The following SYNJ2 variants were observed in gnomAD, a reference collection of about 807,000 sequenced individuals.
SYNJ2 encodes polyphosphatidylinositol phosphatase SYNJ2.
Under a neutral mutation model 141.3 loss-of-function variants are expected in SYNJ2, and 116 were observed. That is an observed-to-expected ratio of 0.82 (90% CI 0.71 to 0.96). SYNJ2 has a LOEUF of 0.96. SYNJ2 is among the 40% of genes least tolerant of loss of function. SYNJ2 has a pLI of 0.00. For synonymous variants in SYNJ2, 745 were observed against 777.7 expected, an observed-to-expected ratio of 0.96 and a Z score of 0.70; for missense variants, 1,873 against 1,934.8, an observed-to-expected ratio of 0.97 and a Z score of 0.60.
intron 1 of SYNJ2, among the ~76,000 whole-genome samples, chr6:157,984,732 G>T (rs1191939091): frequency 6.6e-6 from 1 of 152,206 alleles, no homozygotes; most frequent in Non-Finnish European, 1.5e-5. Flanking sequence ...CAAGAAGGCT[G>T]CAATCTCTAC....
rs576246116 is a variant in SYNJ2 at position 157,982,168 on chromosome 6, C to T, written c.127+80C>T. On this transcript the variant is annotated intron_variant, in intron 1 of 26. Transcript: ENST00000355585. The surrounding 1 kb of genome is among the most constrained non-coding windows in gnomAD (Gnocchi z 4.0). ...CAGCCTCGGGAAGACGGGTACCCCC[C>T]CTTCCCGAGGGGATCGGGCGGCGCT... The T allele has an allele frequency of 6.0e-5, 75 of 1,250,972 alleles. No individual in the cohort carries two copies. Among genetic ancestry groups the T allele is most frequent in the African/African-American group, 2.2e-4 (14 of 64,228 alleles). The allele number at this position is 1,250,972 out of a possible 1,614,324, so 77.5% of individuals were successfully genotyped here. A position where few individuals can be genotyped will look rare whatever the true frequency, so the allele number is the denominator to read the frequency against.
intron 2 of SYNJ2, among the ~76,000 whole-genome samples, chr6:158,024,458 C>T (rs1778931847): frequency 6.6e-6 from 1 of 152,186 alleles, no homozygotes; most frequent in South Asian, 2.1e-4. Flanking sequence ...CCTCCTAAAA[C>T]CATCGCCTTG....
At chr6:158,021,925 G>A (rs541807261) in intron 2 of SYNJ2, among the ~76,000 whole-genome samples, 2 of 152,288 alleles carry the variant, frequency 1.3e-5, no homozygotes, top group South Asian at 2.1e-4. Flanking sequence ...GTAAATTCAC[G>A]GGCCAGGGCT....
At chr6:157,992,603 G>A (rs888407820) in intron 1 of SYNJ2, among the ~76,000 whole-genome samples, 11 of 151,820 alleles carry the variant, frequency 7.2e-5, no homozygotes, top group Non-Finnish European at 1.3e-4. Flanking sequence ...TCACCATGTT[G>A]TCCAGGCTGG....
At chr6:158,012,195 T>C (rs1214961409) in intron 1 of SYNJ2, among the ~76,000 whole-genome samples, 4 of 152,176 alleles carry the variant, frequency 2.6e-5, no homozygotes, top group Non-Finnish European at 4.4e-5. Flanking sequence ...TTCCTTCTCC[T>C]CACCCTTCAT....
chr6:158,021,312 G>T (rs922859633), intron 2 of SYNJ2, among the ~76,000 whole-genome samples: 2 of 152,146 alleles, frequency 1.3e-5, no homozygotes, highest in African/African-American at 4.8e-5. Flanking sequence ...CAGCTGAACT[G>T]CATTTAATCT....
intron 18 of SYNJ2, among the ~76,000 whole-genome samples, chr6:158,080,525 C>G (rs1313629953): frequency 2.0e-5 from 3 of 149,588 alleles, no homozygotes; most frequent in African/African-American, 7.3e-5. Flanking sequence ...TTTTTCCCTC[C>G]CATCAACAAT....
intron 1 of SYNJ2, among the ~76,000 whole-genome samples, chr6:158,000,567 C>T (rs572482575): frequency 1.3e-5 from 2 of 152,204 alleles, no homozygotes; most frequent in African/African-American, 2.4e-5. Flanking sequence ...ATCAGAAAGT[C>T]CTGAAAAATG....
In SYNJ2 at chr6:158,027,333, G is replaced by T. The variant is rs1017346653; in HGVS notation, c.215-1423G>T. 4.1e-6 allele frequency: 2 copies of T among 487,162 alleles called. No homozygotes were observed. Among genetic ancestry groups the T allele is most frequent in the East Asian group, 3.0e-4 (2 of 6,648 alleles). 30.2% of individuals were successfully genotyped at this position (487,162 alleles called of 1,614,324 possible). A position where few individuals can be genotyped will look rare whatever the true frequency, so the allele number is the denominator to read the frequency against. On this transcript the variant is annotated intron_variant, in intron 2 of 26. Coordinates refer to ENST00000355585, the MANE Select transcript of SYNJ2 (RefSeq NM_003898.4). The surrounding 1 kb of genome is among the most constrained non-coding windows in gnomAD (Gnocchi z 4.6). ...CCTTCAGACCTCAGCGGGGTGGGAAGAGTGTCCTTGGGACTAGAGCCCTGC... is the reference window on the plus strand; with the variant it reads ...CCTTCAGACCTCAGCGGGGTGGGAATAGTGTCCTTGGGACTAGAGCCCTGC...
chr6:158,005,323 C>T (rs1180622917), intron 1 of SYNJ2, among the ~76,000 whole-genome samples: 1 of 152,110 alleles, frequency 6.6e-6, no homozygotes, highest in East Asian at 1.9e-4. Flanking sequence ...GTGATCCACC[C>T]ACCTTGGCCT....
Position 158,017,198 on chromosome 6 carries a change from C to T in SYNJ2, c.128-6C>T, listed in dbSNP as rs1778497092. 5.6e-6 allele frequency: 9 copies of T among 1,613,132 alleles called. No homozygotes were observed. The highest frequency in any genetic ancestry group is 7.6e-6 in the Non-Finnish European group (9 of 1,179,454). Reference sequence around the variant, plus strand: ...TGATGCCTTCTGTGATGTGTTTCTTCCCCAGCTCCAGAAGAAAAGGAAGTC... The same window carrying T: ...TGATGCCTTCTGTGATGTGTTTCTTTCCCAGCTCCAGAAGAAAAGGAAGTC... On this transcript the variant is annotated splice_region_variant and splice_polypyrimidine_tract_variant and intron_variant, in intron 1 of 26. Coordinates refer to ENST00000355585, the MANE Select transcript of SYNJ2 (RefSeq NM_003898.4).
At position 158,016,794 on chromosome 6, in the gene SYNJ2, C is replaced by T. The variant is rs148519312; in HGVS notation, c.128-410C>T. On this transcript the variant is annotated intron_variant, in intron 1 of 26. Coordinates refer to ENST00000355585, the MANE Select transcript of SYNJ2 (RefSeq NM_003898.4). ...AGGTACTCAGGCACCTCTGCCCAGTCTCCCCAAGTTACCACCTCCACAGGT... is the reference window on the plus strand; with the variant it reads ...AGGTACTCAGGCACCTCTGCCCAGTTTCCCCAAGTTACCACCTCCACAGGT... Among the ~76,000 whole-genome samples the T allele has an allele frequency of 5.3e-3, 808 of 152,284 alleles. 8 individuals are homozygous for T. Among genetic ancestry groups the T allele is most frequent in the African/African-American group, 0.018 (733 of 41,546 alleles).
chr6:158,018,542 A>G (rs925146291), intron 2 of SYNJ2, among the ~76,000 whole-genome samples: 3 of 152,214 alleles, frequency 2.0e-5, no homozygotes, highest in Non-Finnish European at 4.4e-5. Flanking sequence ...TACGTTGGCC[A>G]TTCCTTTTCT....
chr6:158,077,747 C>T (rs1782405888), intron 17 of SYNJ2: 1 of 151,388 alleles, frequency 6.6e-6, no homozygotes, highest in African/African-American at 2.4e-5. Flanking sequence ...ACAAATTTTC[C>T]TCTAGATGAG....
Position 158,066,494 on chromosome 6 carries a change from A to G in SYNJ2, c.1576A>G (p.Asn526Asp), listed in dbSNP as rs61601143. Residue 526 changes from asparagine to aspartate, a missense_variant, in exon 12 of 27, where the codon AAT becomes GAT. By Grantham distance (23) the Asn-to-Asp change is conservative (BLOSUM62 1). Coordinates refer to ENST00000355585, the MANE Select transcript of SYNJ2 (RefSeq NM_003898.4). ...GACTGAGCGTCAGTCCGAATTCACA[A>G]ATTTCAAGCGGATCCGGATTGCTAT... ...AMTERQSEFTNFKRIRIAMGT... is the reference protein window; with the variant it reads ...AMTERQSEFTDFKRIRIAMGT... 5,457 of 1,614,146 alleles carry G rather than the reference A, an allele frequency of 3.4e-3. 155 individuals are homozygous for G. In the African/African-American group the frequency reaches 0.064, roughly 19 times the overall value.
intron 1 of SYNJ2, among the ~76,000 whole-genome samples, chr6:158,003,486 A>C (rs901757504): frequency 6.6e-6 from 1 of 152,186 alleles, no homozygotes; most frequent in Admixed American, 6.5e-5. Flanking sequence ...TAACACATGA[A>C]GGAGACTTTG....
chr6:158,006,501 C>T (rs924593728), intron 1 of SYNJ2, among the ~76,000 whole-genome samples: 11 of 152,200 alleles, frequency 7.2e-5, no homozygotes, highest in Non-Finnish European at 1.0e-4. Flanking sequence ...CAGGATGCCA[C>T]GCACTGCTGG....
chr6:158,050,556 G>A (rs753157491), intron 5 of SYNJ2, among the ~76,000 whole-genome samples: 3 of 152,210 alleles, frequency 2.0e-5, no homozygotes, highest in Non-Finnish European at 4.4e-5. Context: ...CTGTCCACAC[G>A]GAATGCTTGT....
rs555909850 is a variant in SYNJ2 at position 158,043,891 on chromosome 6, G to C, written c.795+492G>C. 1.3e-5 allele frequency among the ~76,000 whole-genome samples: 2 copies of C among 152,202 alleles called. No homozygotes were observed. The highest frequency in any genetic ancestry group is 1.3e-4 in the Admixed American group (2 of 15,288). On this transcript the variant is annotated intron_variant, in intron 5 of 26. Transcript: ENST00000355585. The surrounding 1 kb of genome is among the most constrained non-coding windows in gnomAD (Gnocchi z 4.0). Reference sequence around the variant, plus strand: ...GTGATTTCTAAAAATACCCCTTGCCGTCCAAAGCAGGGCTCTGGTCAGTGC... The same window carrying C: ...GTGATTTCTAAAAATACCCCTTGCCCTCCAAAGCAGGGCTCTGGTCAGTGC...
Sources: gnomAD v4.1 joint callset for allele counts (sites outside exome capture counted in the v4.1 genomes callset) on GRCh38, gnomAD v4.1.1 for gene constraint, Gnocchi (gnomAD v3.1) non-coding constraint, MANE v1.5 for transcripts, NCBI Gene and HGNC (gene_info 2026-07-23, HGNC 2026-07-21) for gene names.